MED12L: variants seen among roughly 807,000 people sequenced by gnomAD.
The protein encoded by MED12L is mediator of RNA polymerase II transcription subunit 12-like protein.
A neutral mutation model predicts 281.3 loss-of-function variants in MED12L; 60 were observed. The ratio of observed to expected loss-of-function variants is 0.21; its 90% CI spans 0.17 to 0.26. The LOEUF (loss-of-function observed/expected upper bound fraction) is 0.26, where lower values mean the gene tolerates loss of function less well. Among genes scored for constraint, MED12L ranks in the 10% least tolerant of loss-of-function variants. MED12L has a pLI of 1.00. For synonymous variants in MED12L, 974 were observed against 987.2 expected (o/e 0.99, Z 0.25); for missense variants, 2,146 against 2,680.9 (o/e 0.80, Z 4.41).
chr3:151,212,389 A>G (rs1006076424), intron 16 of MED12L: 1 of 152,256 alleles, frequency 6.6e-6, no homozygotes, highest in East Asian at 1.9e-4. Flanking sequence ...TAAATTTTAG[A>G]TTTAAAAAAA....
At chr3:151,117,324 T>C (rs902343242) in intron 3 of MED12L, among the ~76,000 whole-genome samples, 3 of 152,234 alleles carry the variant, frequency 2.0e-5, no homozygotes. Flanking sequence ...TTCTTTACTT[T>C]TGGCACCAAA....
chr3:151,432,650 C>G (rs1719666028), intron 44 of MED12L, 102 bp from the exon 45 acceptor site: 1 of 846,140 alleles, frequency 1.2e-6, no homozygotes, highest in Non-Finnish European at 1.9e-6. Flanking sequence ...TTCTGTTTCC[C>G]TGTACCTGCA....
intron 16 of MED12L, among the ~76,000 whole-genome samples, chr3:151,195,687 T>C (rs1027809680): frequency 4.6e-5 from 7 of 152,212 alleles, no homozygotes; most frequent in African/African-American, 1.7e-4. Context: ...GTTTTTAAAA[T>C]ATTCTGGGTA....
rs199572806 is a variant in MED12L at position 151,294,144 on chromosome 3, T to C, written c.2251-55915T>C. ...AACATTTATTTACACTTTGTACATATCGATTCCAACAAACAATAAAAGGCC... is the reference window on the plus strand; with the variant it reads ...AACATTTATTTACACTTTGTACATACCGATTCCAACAAACAATAAAAGGCC... On this transcript the variant is annotated intron_variant, in intron 16 of 44. Coordinates refer to ENST00000687756, the MANE Select transcript of MED12L (RefSeq NM_001393769.1). 24 of 1,325,470 alleles carry C rather than the reference T, an allele frequency of 1.8e-5. No individual in the cohort carries two copies. In the East Asian group the frequency reaches 5.1e-4, roughly 28 times the overall value. The allele number at this position is 1,325,470 out of a possible 1,614,324, so 82.1% of individuals were successfully genotyped here.
chr3:151,311,035 G>T (rs758684415), intron 16 of MED12L, among the ~76,000 whole-genome samples: 1 of 152,180 alleles, frequency 6.6e-6, no homozygotes, highest in African/African-American at 2.4e-5. Flanking sequence ...AGAGCAAGAA[G>T]TAGTGTACCA....
intron 16 of MED12L, among the ~76,000 whole-genome samples, chr3:151,204,280 G>T (rs1394631239): frequency 6.6e-6 from 1 of 152,018 alleles, no homozygotes; most frequent in Admixed American, 6.6e-5. Flanking sequence ...TAATCTCTTG[G>T]TATTAGTTTT....
At chr3:151,329,333 C>A (rs1414911976) in intron 16 of MED12L, 1 of 594,154 alleles carries the variant, frequency 1.7e-6, no homozygotes, top group Non-Finnish European at 3.0e-6. Context: ...ATTATTATTA[C>A]TAATACATCA....
At chr3:151,137,312 C>G (rs947920465) in intron 5 of MED12L, among the ~76,000 whole-genome samples, 2 of 152,098 alleles carry the variant, frequency 1.3e-5, no homozygotes, top group African/African-American at 4.8e-5. Flanking sequence ...TGGCCAGAGA[C>G]CCTTCTAGCT....
At chr3:151,378,219 T>G in intron 31 of MED12L, 46 bp downstream of exon 31, 1 of 1,514,690 alleles carries the variant, frequency 6.6e-7, no homozygotes, top group East Asian at 2.4e-5. Flanking sequence ...AAAGAATAAT[T>G]GAGAAAGTCT....
intron 14 of MED12L, 79 bp from the exon 15 acceptor site, chr3:151,192,471 C>T: frequency 9.9e-7 from 1 of 1,010,110 alleles, no homozygotes; most frequent in Non-Finnish European, 1.5e-6. Context: ...GTTAAAAATC[C>T]CACTGTCATG....
intron 16 of MED12L, among the ~76,000 whole-genome samples, chr3:151,320,859 C>G (rs1253995282): frequency 6.6e-6 from 1 of 152,172 alleles, no homozygotes; most frequent in East Asian, 1.9e-4. Context: ...TTTGGAACAT[C>G]TCCACTTAGC....
At chr3:151,115,539 G>T (rs1379563350) in intron 2 of MED12L, among the ~76,000 whole-genome samples, 2 of 150,988 alleles carry the variant, frequency 1.3e-5, no homozygotes, top group Non-Finnish European at 3.0e-5. Context: ...TAGAGATGGG[G>T]TCTCCCCATT....
rs565530119 is a variant in MED12L, at chr3:151,166,152, A to C, written c.1494+170A>C. Reference sequence around the variant, plus strand: ...GGACTAAGATTACCTACCATTATTAAAATGAAATGTCAGTGGGGCTTATCT... The same window carrying C: ...GGACTAAGATTACCTACCATTATTACAATGAAATGTCAGTGGGGCTTATCT... On this transcript the variant is annotated intron_variant, in intron 11 of 44. Coordinates refer to ENST00000687756, the MANE Select transcript of MED12L (RefSeq NM_001393769.1). 2.6e-5 allele frequency among the ~76,000 whole-genome samples: 4 copies of C among 152,342 alleles called. No homozygotes were observed. In the East Asian group the frequency reaches 7.7e-4, roughly 29 times the overall value.
intron 11 of MED12L, among the ~76,000 whole-genome samples, chr3:151,176,266 A>C (rs1722032936): frequency 6.6e-6 from 1 of 152,206 alleles, no homozygotes; most frequent in African/African-American, 2.4e-5. Context: ...TTAAAACATG[A>C]GAACAGGGCA....
intron 36 of MED12L, among the ~76,000 whole-genome samples, chr3:151,386,765 G>A (rs1265357868): frequency 2.0e-5 from 3 of 151,944 alleles, no homozygotes; most frequent in African/African-American, 4.8e-5. Context: ...TAGTGGAGAC[G>A]GAGTTTCACC....
intron 2 of MED12L, among the ~76,000 whole-genome samples, chr3:151,090,941 T>C (rs1356726865): frequency 6.6e-6 from 1 of 152,138 alleles, no homozygotes; most frequent in African/African-American, 2.4e-5. Context: ...CTTGGGAGGC[T>C]GAGGCAGGAG....
intron 37 of MED12L, among the ~76,000 whole-genome samples, chr3:151,389,377 C>T (rs1282907011): frequency 2.6e-5 from 4 of 152,144 alleles, no homozygotes; most frequent in Non-Finnish European, 4.4e-5. Flanking sequence ...GATTTTGTTT[C>T]TCTTCCATCC....
At chr3:151,382,079 C>T (rs1712466911) in intron 32 of MED12L, among the ~76,000 whole-genome samples, 1 of 152,088 alleles carries the variant, frequency 6.6e-6, no homozygotes, top group Admixed American at 6.5e-5. Flanking sequence ...CCTTTTCCAG[C>T]ATTAGTGTGA....
chr3:151,263,983 C>T (rs566157840), intron 16 of MED12L, among the ~76,000 whole-genome samples: 1 of 152,358 alleles, frequency 6.6e-6, no homozygotes, highest in East Asian at 1.9e-4. Flanking sequence ...CTTACCACCA[C>T]TCCTTCCCTC....
Sources: allele counts gnomAD v4.1 joint callset (sites outside exome capture counted in the v4.1 genomes callset), GRCh38; gene constraint gnomAD v4.1.1; transcripts MANE v1.5; gene names NCBI Gene and HGNC (gene_info 2026-07-23, HGNC 2026-07-21).